GSG1L: variants seen among roughly 807,000 people sequenced by gnomAD.
GSG1L encodes the protein GSG1 like, also known as germ cell-specific gene 1-like protein.
Under a neutral mutation model 42.1 loss-of-function variants are expected in GSG1L, and 24 were observed. That is an observed-to-expected ratio of 0.57 (90% CI 0.41 to 0.80). The LOEUF (loss-of-function observed/expected upper bound fraction) is 0.80, where lower values mean the gene tolerates loss of function less well. Ranked by LOEUF, GSG1L falls within the 30% of genes least tolerant of loss-of-function variation. The probability of loss-of-function intolerance (pLI) is 0.00; values close to 1 mark genes in which losing one functional copy is unlikely to be tolerated. For missense variants in GSG1L, 445 were observed against 472.2 expected (o/e 0.94, Z 0.53); for synonymous variants, 215 against 203.5 (o/e 1.06, Z -0.48).
intron 3 of GSG1L, among the ~76,000 whole-genome samples, chr16:27,857,851 T>C (rs1352529663): frequency 2.6e-5 from 4 of 151,794 alleles, no homozygotes; most frequent in African/African-American, 9.7e-5. Context: ...ACTGTATTCA[T>C]GTCTCCATGG....
At position 28,006,295 on chromosome 16, in the gene GSG1L, T is replaced by TTTTATTTATTTATTTA. The variant is rs55673236; in HGVS notation, c.350-43108_350-43093dup. The stretch of plus-strand genomic sequence containing the variant: ...ACAGCCTGCCAACACCTTGATTGTA[T>TTTTATTTATTTATTTA]TTTATTTATTTATTTATTTATTTAT... On this transcript the variant is annotated intron_variant, in intron 1 of 6. Transcript: ENST00000447459. 3.1e-3 allele frequency among the ~76,000 whole-genome samples: 469 copies of TTTTATTTATTTATTTA among 149,078 alleles called. 4 individuals are homozygous for TTTTATTTATTTATTTA. The highest frequency in any genetic ancestry group is 4.3e-3 in the African/African-American group (173 of 40,424).
At chr16:27,902,572 G>A (rs114922571) in intron 2 of GSG1L, among the ~76,000 whole-genome samples, 32 of 152,126 alleles carry the variant, frequency 2.1e-4, no homozygotes, top group Non-Finnish European at 3.4e-4. Flanking sequence ...GGAGAGGGGG[G>A]GCCGCTGGTG....
chr16:27,977,679 A>G (rs1345696165), intron 1 of GSG1L, among the ~76,000 whole-genome samples: 1 of 151,604 alleles, frequency 6.6e-6, no homozygotes. Context: ...GGAAATTTCC[A>G]TCTTTTGCAA....
At chr16:27,898,317 A>G (rs2084214426) in intron 2 of GSG1L, among the ~76,000 whole-genome samples, 2 of 152,138 alleles carry the variant, frequency 1.3e-5, no homozygotes, top group South Asian at 4.2e-4. Context: ...TTGAAGTCCA[A>G]GGTAGAGATC....
At chr16:27,821,838 A>T (rs946234303) in intron 5 of GSG1L, among the ~76,000 whole-genome samples, 10 of 152,172 alleles carry the variant, frequency 6.6e-5, no homozygotes, top group Admixed American at 1.3e-4. Flanking sequence ...CAGGAGGCAG[A>T]GCTTGCAGTG....
intron 3 of GSG1L, among the ~76,000 whole-genome samples, chr16:27,858,119 T>C (rs775536331): frequency 4.6e-5 from 7 of 152,232 alleles, no homozygotes; most frequent in Non-Finnish European, 1.0e-4. Context: ...GCTCTGAGCT[T>C]CCACACTTCC....
At chr16:27,882,857 G>GTGC (rs1323045558) in intron 3 of GSG1L, among the ~76,000 whole-genome samples, 7 of 152,268 alleles carry the variant, frequency 4.6e-5, no homozygotes, top group Middle Eastern at 3.4e-3. Flanking sequence ...TGTAATCCCA[G>GTGC]TGCTATGAGA....
At chr16:27,907,311 G>A (rs145423715) in intron 2 of GSG1L, among the ~76,000 whole-genome samples, 1 of 152,326 alleles carries the variant, frequency 6.6e-6, no homozygotes, top group African/African-American at 2.4e-5. Flanking sequence ...GGATCCAGCT[G>A]TGCCTGACTG....
intron 1 of GSG1L, among the ~76,000 whole-genome samples, chr16:27,993,478 T>G (rs2141136877): frequency 6.6e-6 from 1 of 152,120 alleles, no homozygotes; most frequent in South Asian, 2.1e-4. Flanking sequence ...ATGTAACTTG[T>G]AGGAAGGATT....
At chr16:28,052,011 G>A (rs1184891768) in intron 1 of GSG1L, among the ~76,000 whole-genome samples, 1 of 152,134 alleles carries the variant, frequency 6.6e-6, no homozygotes, top group African/African-American at 2.4e-5. Flanking sequence ...GGGGAGAAAT[G>A]GTGAGACTCT....
At chr16:28,044,043 C>A (rs191353346) in intron 1 of GSG1L, among the ~76,000 whole-genome samples, 2 of 151,778 alleles carry the variant, frequency 1.3e-5, no homozygotes, top group Non-Finnish European at 2.9e-5. Context: ...CAAAAAAAAA[C>A]TGTATTAAAT....
chr16:28,037,463 T>C lies in GSG1L; in HGVS notation c.349+25613A>G, dbSNP rs181835983. On this transcript the variant is annotated intron_variant, in intron 1 of 6. Transcript: ENST00000447459. ...CCACTCCAGTTCATCAATGTCCCTC[T>C]TAATGGAAGCCACCCAGAATCAAAC... 5.1e-4 allele frequency among the ~76,000 whole-genome samples: 77 copies of C among 152,298 alleles called. 1 individual carries two copies. The highest frequency in any genetic ancestry group is 5.0e-3 in the Admixed American group (77 of 15,306).
intron 1 of GSG1L, among the ~76,000 whole-genome samples, chr16:27,991,322 C>T (rs538478052): frequency 1.0e-5 from 1 of 96,746 alleles, no homozygotes; most frequent in African/African-American, 4.2e-5. Flanking sequence ...AATAGGTTCT[C>T]TGTTTTTTGT....
chr16:27,855,892 T>C (rs2083571666), intron 3 of GSG1L, among the ~76,000 whole-genome samples: 1 of 151,894 alleles, frequency 6.6e-6, no homozygotes, highest in Admixed American at 6.6e-5. Flanking sequence ...CCGGGTGCTC[T>C]GTTCTGGGGG....
intron 5 of GSG1L, among the ~76,000 whole-genome samples, chr16:27,818,575 T>C (rs2083120628): frequency 6.6e-6 from 1 of 151,586 alleles, no homozygotes; most frequent in South Asian, 2.1e-4. Context: ...GATGGAGCTG[T>C]GATTGAACAT....
intron 2 of GSG1L, among the ~76,000 whole-genome samples, chr16:27,913,409 T>C (rs545661106): frequency 1.3e-5 from 2 of 152,312 alleles, no homozygotes; most frequent in East Asian, 3.9e-4. Flanking sequence ...TTGCTTAAAT[T>C]GGTGATTCGC....
intron 1 of GSG1L, among the ~76,000 whole-genome samples, chr16:28,025,710 G>A (rs545966421): frequency 4.1e-4 from 62 of 152,350 alleles, no homozygotes; most frequent in African/African-American, 1.4e-3. Context: ...CCCTGTGAAA[G>A]AGCGGGGACC....
intron 1 of GSG1L, among the ~76,000 whole-genome samples, chr16:27,976,147 C>A (rs539442185): frequency 6.6e-5 from 10 of 152,086 alleles, no homozygotes; most frequent in Non-Finnish European, 1.0e-4. Flanking sequence ...CAGTGGTGCA[C>A]GCCTGTAATC....
rs2084007128 is a variant in GSG1L, at chr16:27,884,647, CAG to C, written c.398-11_398-10del. On this transcript the variant is annotated splice_polypyrimidine_tract_variant and intron_variant, in intron 2 of 6. Coordinates refer to ENST00000447459, the MANE Select transcript of GSG1L (RefSeq NM_001109763.2). The surrounding 1 kb of genome is among the most constrained non-coding windows in gnomAD (Gnocchi z 4.4). Reference sequence around the variant, plus strand: ...AGACAGCCACAGGACCCCTGTCCAACAGAGGCAGAGAGGCCGTGAGATGAGGG... The same window carrying C: ...AGACAGCCACAGGACCCCTGTCCAACAGGCAGAGAGGCCGTGAGATGAGGG... 6.4e-7 allele frequency: 1 copy of C among 1,569,676 alleles called. No individual in the cohort carries two copies. Among genetic ancestry groups the C allele is most frequent in the Non-Finnish European group, 8.6e-7 (1 of 1,157,094 alleles).
Sources: allele counts gnomAD v4.1 joint callset (sites outside exome capture counted in the v4.1 genomes callset), GRCh38; gene constraint gnomAD v4.1.1; non-coding constraint Gnocchi (gnomAD v3.1); transcripts MANE v1.5; gene names NCBI Gene and HGNC (gene_info 2026-07-23, HGNC 2026-07-21).